Variants in NOS1AP observed in about 807,000 individuals in gnomAD.
The protein encoded by NOS1AP is carboxyl-terminal PDZ ligand of neuronal nitric oxide synthase protein.
In NOS1AP, 21 loss-of-function variants were observed where a neutral mutation model predicts 56.2. The observed-to-expected ratio is 0.37, with a 90% confidence interval of 0.26 to 0.54. The LOEUF is 0.54. Among genes scored for constraint, NOS1AP ranks in the 20% least tolerant of loss-of-function variants. The probability of loss-of-function intolerance (pLI) is 0.84; values close to 1 mark genes in which losing one functional copy is unlikely to be tolerated. For synonymous variants in NOS1AP, 270 were observed against 274.6 expected (o/e 0.98, Z 0.17); for missense variants, 522 against 657.8 (o/e 0.79, Z 2.26).
chr1:162,189,188 A>T (rs1438817653), intron 2 of NOS1AP, among the ~76,000 whole-genome samples: 1 of 152,220 alleles, frequency 6.6e-6, no homozygotes, highest in Non-Finnish European at 1.5e-5. Context: ...TAGGAGGTCT[A>T]AGAACAGTTT....
chr1:162,079,223 A>G (rs1447507981), intron 1 of NOS1AP, among the ~76,000 whole-genome samples: 2 of 152,122 alleles, frequency 1.3e-5, no homozygotes, highest in East Asian at 3.9e-4. Context: ...ATACCAAGTA[A>G]GCATTTTTTT....
rs1453231390 is a variant in NOS1AP, at chr1:162,367,461, C to T, written c.1515C>T (p.Ala505=). Reference sequence around the variant, plus strand: ...GCGACGGCCTGGATGATGAGATCGCCGTGTAGGTGCCGAGGGCGAGGAGAT... The same window carrying T: ...GCGACGGCCTGGATGATGAGATCGCTGTGTAGGTGCCGAGGGCGAGGAGAT... ...ELGDGLDDEI[A]V Residue 505 remains alanine (A), a synonymous_variant, in exon 10 of 10, where the codon GCC becomes GCT. Coordinates refer to ENST00000361897, the MANE Select transcript of NOS1AP (RefSeq NM_014697.3). This position sits in a 1 kb window ranked among gnomAD's most constrained non-coding sequence, Gnocchi z 6.5. 1.9e-6 allele frequency: 3 copies of T among 1,557,942 alleles called. No individual in the cohort carries two copies.
At chr1:162,334,995 G>C (rs1003673590) in intron 5 of NOS1AP, among the ~76,000 whole-genome samples, 2 of 150,422 alleles carry the variant, frequency 1.3e-5, no homozygotes, top group Admixed American at 1.3e-4. Flanking sequence ...ATAGCAATAC[G>C]GACGCAGTGG....
intron 8 of NOS1AP, chr1:162,364,057 A>G: frequency 1.0e-6 from 1 of 985,448 alleles, no homozygotes. Context: ...CCAGCAAGTC[A>G]CTTGGCCAAG....
intron 2 of NOS1AP, among the ~76,000 whole-genome samples, chr1:162,261,848 G>A (rs1459943773): frequency 1.3e-5 from 2 of 152,072 alleles, no homozygotes; most frequent in African/African-American, 4.8e-5. Flanking sequence ...GGAAAAGATC[G>A]GTAAACAGAT....
At chr1:162,264,461 T>C (rs7546072) in intron 2 of NOS1AP, among the ~76,000 whole-genome samples, 24,456 of 37,150 alleles carry the variant, frequency 0.66, 8,153 homozygotes, top group Non-Finnish European at 0.68. Flanking sequence ...TTCTCTTCTC[T>C]TCTCCTCCCC....
At chr1:162,299,987 A>G (rs1261519624) in intron 3 of NOS1AP, among the ~76,000 whole-genome samples, 1 of 151,880 alleles carries the variant, frequency 6.6e-6, no homozygotes, top group African/African-American at 2.4e-5. Flanking sequence ...TCCACTGTAT[A>G]CCCCTTGCGC....
rs1557867016 is a variant in NOS1AP at position 162,294,228 on chromosome 1, A to AAGGAAGGAAGG, written c.271-6404_271-6403insGGAAGGAAGGA. Reference sequence around the variant, plus strand: ...GGAAGGAAGGAAGGAAGGAAGGAAGAAAGAAAGGAAGGAAGGATAGCAAAA... The same window carrying AAGGAAGGAAGG: ...GGAAGGAAGGAAGGAAGGAAGGAAGAAGGAAGGAAGGAAGAAAGGAAGGAAGGATAGCAAAA... On this transcript the variant is annotated intron_variant, in intron 3 of 9. Coordinates refer to ENST00000361897, the MANE Select transcript of NOS1AP (RefSeq NM_014697.3). 1.4e-3 allele frequency among the ~76,000 whole-genome samples: 152 copies of AAGGAAGGAAGG among 105,632 alleles called. 2 individuals are homozygous for AAGGAAGGAAGG. Among genetic ancestry groups the AAGGAAGGAAGG allele is most frequent in the Admixed American group, 2.2e-3 (24 of 10,808 alleles). The allele number at this position is 105,632 out of a possible 152,430, so 69.3% of individuals were successfully genotyped here.
At chr1:162,080,209 C>G (rs537770763) in intron 1 of NOS1AP, among the ~76,000 whole-genome samples, 1 of 152,124 alleles carries the variant, frequency 6.6e-6, no homozygotes, top group Non-Finnish European at 1.5e-5. Context: ...AGCACTGGAG[C>G]AGTTGGCTTT....
chr1:162,215,292 A>T (rs1652527678), intron 2 of NOS1AP, among the ~76,000 whole-genome samples: 1 of 152,224 alleles, frequency 6.6e-6, no homozygotes, highest in Non-Finnish European at 1.5e-5. Flanking sequence ...GAGCTGAGCC[A>T]CAGCACTCGA....
At chr1:162,315,990 A>T (rs776919355) in intron 4 of NOS1AP, among the ~76,000 whole-genome samples, 85 of 152,326 alleles carry the variant, frequency 5.6e-4, no homozygotes, top group Non-Finnish European at 1.2e-3. Flanking sequence ...TGTCTCACAC[A>T]CAATAGGGCT....
At chr1:162,302,586 T>C (rs1655701699) in intron 4 of NOS1AP, among the ~76,000 whole-genome samples, 1 of 152,228 alleles carries the variant, frequency 6.6e-6, no homozygotes, top group Admixed American at 6.5e-5. Flanking sequence ...CTTTTCCTGG[T>C]TGAAAGAAAG....
intron 2 of NOS1AP, among the ~76,000 whole-genome samples, chr1:162,244,479 G>C (rs1037585208): frequency 6.6e-6 from 1 of 152,146 alleles, no homozygotes; most frequent in African/African-American, 2.4e-5. Flanking sequence ...ATTTAGGTTA[G>C]CTTCTGCATT....
intron 2 of NOS1AP, among the ~76,000 whole-genome samples, chr1:162,156,597 A>G (rs1649986570): frequency 6.6e-6 from 1 of 152,136 alleles, no homozygotes; most frequent in Admixed American, 6.5e-5. Context: ...TTCAACCAAA[A>G]AAAGTCCCTT....
intron 2 of NOS1AP, among the ~76,000 whole-genome samples, chr1:162,257,353 G>A (rs1039837694): frequency 1.3e-5 from 2 of 152,082 alleles, no homozygotes; most frequent in African/African-American, 4.8e-5. Context: ...TGAAGAGAAA[G>A]CAAGCCAGGC....
At chr1:162,110,151 T>C (rs1463323221) in intron 1 of NOS1AP, among the ~76,000 whole-genome samples, 4 of 152,014 alleles carry the variant, frequency 2.6e-5, no homozygotes, top group Non-Finnish European at 5.9e-5. Flanking sequence ...TTTGCTCTCA[T>C]TGAATAAATT....
At chr1:162,271,687 A>G (rs1462807785) in intron 2 of NOS1AP, among the ~76,000 whole-genome samples, 4 of 152,204 alleles carry the variant, frequency 2.6e-5, no homozygotes, top group Non-Finnish European at 4.4e-5. Flanking sequence ...TTGATTTCCT[A>G]TAACAACTCT....
intron 3 of NOS1AP, among the ~76,000 whole-genome samples, chr1:162,288,971 G>A (rs1397219947): frequency 6.6e-6 from 1 of 152,178 alleles, no homozygotes; most frequent in African/African-American, 2.4e-5. Context: ...TCCTGAGCAG[G>A]ACATCAAGCT....
chr1:162,090,816 G>A (rs548127153), intron 1 of NOS1AP, among the ~76,000 whole-genome samples: 1 of 151,718 alleles, frequency 6.6e-6, no homozygotes, highest in Non-Finnish European at 1.5e-5. Flanking sequence ...TTCATGCCTT[G>A]CATAATTTAA....
Sources: gnomAD v4.1 joint callset for allele counts (sites outside exome capture counted in the v4.1 genomes callset) on GRCh38, gnomAD v4.1.1 for gene constraint, Gnocchi (gnomAD v3.1) non-coding constraint, MANE v1.5 for transcripts, NCBI Gene and HGNC (gene_info 2026-07-23, HGNC 2026-07-21) for gene names.